Variants in AIMP1 observed in about 807,000 individuals in gnomAD.
The protein encoded by AIMP1 is aminoacyl tRNA synthetase complex interacting multifunctional protein 1.
AIMP1 carries 24 observed loss-of-function variants against 33.1 expected under a neutral mutation model. The ratio of observed to expected loss-of-function variants is 0.73; its 90% CI spans 0.53 to 1.02. The LOEUF (loss-of-function observed/expected upper bound fraction) is 1.02, where lower values mean the gene tolerates loss of function less well. AIMP1 is among the 50% of genes least tolerant of loss of function. The pLI, the probability that AIMP1 is intolerant of heterozygous loss-of-function variation, is 0.00. For synonymous variants in AIMP1, 120 were observed against 121.5 expected, an observed-to-expected ratio of 0.99 and a Z score of 0.08; for missense variants, 367 against 364.8, an observed-to-expected ratio of 1.01 and a Z score of -0.05.
chr4:106,333,138 A>G (rs537209572), intron 5 of AIMP1, among the ~76,000 whole-genome samples: 13 of 152,102 alleles, frequency 8.5e-5, no homozygotes, highest in African/African-American at 3.1e-4. Context: ...GTTGAGGTGG[A>G]AGGTCACTTG....
At chr4:106,321,677 G>A (rs555954990) in intron 1 of AIMP1, among the ~76,000 whole-genome samples, 2 of 152,272 alleles carry the variant, frequency 1.3e-5, no homozygotes, top group East Asian at 3.9e-4. Context: ...CTGCCCGGCC[G>A]CCACCCCGTC....
At chr4:106,346,959 A>G (rs923500384) in intron 6 of AIMP1, among the ~76,000 whole-genome samples, 9 of 152,148 alleles carry the variant, frequency 5.9e-5, no homozygotes, top group African/African-American at 2.2e-4. Context: ...GGAGCCTCAG[A>G]AATTTTACTC....
intron 6 of AIMP1, among the ~76,000 whole-genome samples, chr4:106,345,751 A>G (rs997512590): frequency 2.4e-4 from 37 of 151,544 alleles, no homozygotes; most frequent in African/African-American, 8.9e-4. Flanking sequence ...ACAAAACTAC[A>G]ATGACCAACT....
At chr4:106,339,397 G>C (rs1242846831) in intron 6 of AIMP1, among the ~76,000 whole-genome samples, 2 of 152,168 alleles carry the variant, frequency 1.3e-5, no homozygotes, top group African/African-American at 4.8e-5. Flanking sequence ...GGTTTTTCCT[G>C]TGCTGTTCTC....
At position 106,330,728 on chromosome 4, in the gene AIMP1, C is replaced by T. The variant is rs113750256; in HGVS notation, c.392-944C>T. Among the ~76,000 whole-genome samples the T allele has an allele frequency of 5.3e-5, 8 of 152,222 alleles. 1 individual carries two copies. Among genetic ancestry groups the T allele is most frequent in the African/African-American group, 1.2e-4 (5 of 41,554 alleles). ...TACTGTTTCCAGTGTCATAGCACTC[C>T]GTATGTTGAAAGATTAAATAAATGT... On this transcript the variant is annotated intron_variant, in intron 4 of 6. Coordinates refer to ENST00000672341, the MANE Select transcript of AIMP1 (RefSeq NM_001142416.2).
At chr4:106,325,240 GA>G in intron 2 of AIMP1, 122 bp downstream of exon 2, 8 of 927,520 alleles carry the variant, frequency 8.6e-6, no homozygotes, top group Non-Finnish European at 1.3e-5. Context: ...GTTATATGTA[GA>G]AAAATATCAA....
At chr4:106,338,688 AC>A (rs1561030891) in intron 6 of AIMP1, among the ~76,000 whole-genome samples, 2 of 152,180 alleles carry the variant, frequency 1.3e-5, no homozygotes, top group African/African-American at 4.8e-5. Flanking sequence ...GGACCCCCCC[AC>A]ACACAGAATC....
intron 1 of AIMP1, among the ~76,000 whole-genome samples, chr4:106,323,832 A>G (rs1769359906): frequency 6.6e-6 from 1 of 152,104 alleles, no homozygotes. Context: ...AAATGAATGA[A>G]TTGGTGCATT....
intron 5 of AIMP1, among the ~76,000 whole-genome samples, chr4:106,336,039 T>G (rs981305388): frequency 1.6e-5 from 2 of 126,558 alleles, no homozygotes; most frequent in Non-Finnish European, 3.4e-5. Flanking sequence ...TCTTTTTTTT[T>G]TTTTTTTTTT....
intron 6 of AIMP1, among the ~76,000 whole-genome samples, chr4:106,346,128 G>GA (rs1230060057): frequency 1.3e-5 from 2 of 151,802 alleles, no homozygotes; most frequent in East Asian, 3.9e-4. Context: ...TGAACTGACT[G>GA]ATTCTTCATT....
intron 1 of AIMP1, among the ~76,000 whole-genome samples, chr4:106,317,226 G>C (rs1383252114): frequency 2.0e-5 from 3 of 152,194 alleles, no homozygotes; most frequent in Non-Finnish European, 4.4e-5. Context: ...AATATCTTGG[G>C]AAAGTGCAGT....
At chr4:106,322,855 G>A (rs1440042574) in intron 1 of AIMP1, among the ~76,000 whole-genome samples, 1 of 151,950 alleles carries the variant, frequency 6.6e-6, no homozygotes. Context: ...CAGGTGGCAG[G>A]CACCTGTAAT....
In AIMP1 at chr4:106,326,263, T is replaced by C. The variant is rs530257197; in HGVS notation, c.109+1145T>C. ...TATATATAAAGAATAGTTAAAAATC[T>C]AGACTCAAATAATTATTAATAGGAT... is the stretch of plus-strand genomic sequence containing the variant. On this transcript the variant is annotated intron_variant, in intron 2 of 6. Coordinates refer to ENST00000672341, the MANE Select transcript of AIMP1 (RefSeq NM_001142416.2). 8.3e-4 allele frequency among the ~76,000 whole-genome samples: 127 copies of C among 152,332 alleles called. 3 individuals are homozygous for C. The highest frequency in any genetic ancestry group is 8.1e-3 in the South Asian group (39 of 4,824).
intron 1 of AIMP1, 158 bp downstream of exon 1, chr4:106,316,752 AAG>A (rs1768930511): frequency 1.6e-6 from 1 of 631,552 alleles, no homozygotes; most frequent in African/African-American, 1.8e-5. Flanking sequence ...GGAAACAGGA[AAG>A]AGTTTGAGAC....
intron 1 of AIMP1, 65 bp from the exon 2 acceptor site, chr4:106,324,920 T>C (rs1456296264): frequency 1.8e-5 from 23 of 1,296,564 alleles, no homozygotes; most frequent in South Asian, 3.8e-5. Flanking sequence ...TGCTTTTTCA[T>C]AGTGGCCTAT....
chr4:106,339,718 T>G (rs909102132), intron 6 of AIMP1, among the ~76,000 whole-genome samples: 2 of 152,220 alleles, frequency 1.3e-5, no homozygotes, highest in Non-Finnish European at 2.9e-5. Flanking sequence ...GAGAACAGAT[T>G]AATGTGCTGC....
intron 6 of AIMP1, among the ~76,000 whole-genome samples, chr4:106,346,076 T>C (rs1770285253): frequency 6.6e-6 from 1 of 151,798 alleles, no homozygotes; most frequent in African/African-American, 2.4e-5. Flanking sequence ...ATCATCGAAG[T>C]TCTACAGCTT....
At chr4:106,345,856 T>C (rs1770277844) in intron 6 of AIMP1, among the ~76,000 whole-genome samples, 1 of 148,128 alleles carries the variant, frequency 6.8e-6, no homozygotes, top group African/African-American at 2.4e-5. Flanking sequence ...AATATAAATA[T>C]AAAATATATT....
chr4:106,316,832 A>G (rs1768936844), intron 1 of AIMP1: 6 of 494,886 alleles, frequency 1.2e-5, no homozygotes, highest in African/African-American at 1.9e-5. Flanking sequence ...ACAGAAAAAT[A>G]TCGATCCCTA....
Sources: gnomAD v4.1 joint callset for allele counts (sites outside exome capture counted in the v4.1 genomes callset) on GRCh38, gnomAD v4.1.1 for gene constraint, MANE v1.5 for transcripts, NCBI Gene and HGNC (gene_info 2026-07-23, HGNC 2026-07-21) for gene names.